The following L2HGDH variants were observed in gnomAD, a reference collection of about 807,000 sequenced individuals.
The protein encoded by L2HGDH is L-2-hydroxyglutarate dehydrogenase, also known as L-2-hydroxyglutarate dehydrogenase, mitochondrial.
In L2HGDH, 34 loss-of-function variants were observed where a neutral mutation model predicts 51.5. The observed-to-expected ratio is 0.66, with a 90% CI of 0.50 to 0.88. The LOEUF is 0.88. L2HGDH is among the 40% of genes least tolerant of loss of function. L2HGDH has a pLI of 0.00. For missense variants in L2HGDH, 558 were observed against 571.9 expected, an observed-to-expected ratio of 0.98 and a Z score of 0.25; for synonymous variants, 198 against 197.9, an observed-to-expected ratio of 1.00 and a Z score of -0.01.
In L2HGDH at chr14:50,242,731, T is replaced by C. The variant is rs922430372; in HGVS notation, c.*4327A>G. 2.9e-5 allele frequency: 29 copies of C among 985,318 alleles called. No individual in the cohort carries two copies. The African/African-American group carries it at 4.5e-4, about 15-fold the overall frequency. The allele number at this position is 985,318 out of a possible 1,614,324, so 61.0% of individuals were successfully genotyped here. ...ATGAAGAGATTTCAAAAACTCCCTT[T>C]GAGTGTGTTAGAAAAGCTTAGAAAC... On this transcript the variant is annotated 3_prime_UTR_variant, in exon 10 of 10. Coordinates refer to ENST00000267436, the MANE Select transcript of L2HGDH (RefSeq NM_024884.3).
Position 50,283,497 on chromosome 14 carries a change from T to TA in L2HGDH, c.703+373dup, listed in dbSNP as rs199859030. Among the ~76,000 whole-genome samples the TA allele has an allele frequency of 1.5e-3, 227 of 149,318 alleles. 1 individual carries two copies. The highest frequency in any genetic ancestry group is 1.9e-3 in the Admixed American group (29 of 14,972). ...GCACTACCCCCTAAAATATCCCAAT[T>TA]AAAAAAAAAATCAATATAAGTACAG... On this transcript the variant is annotated intron_variant, in intron 5 of 9. Coordinates refer to ENST00000267436, the MANE Select transcript of L2HGDH (RefSeq NM_024884.3).
At chr14:50,259,010 CTTTT>C (rs554295046) in intron 9 of L2HGDH, among the ~76,000 whole-genome samples, 1 of 121,506 alleles carries the variant, frequency 8.2e-6, no homozygotes, top group Admixed American at 8.6e-5. Flanking sequence ...ACGCCAGGCT[CTTTT>C]TTTTTTTTTT....
rs575924225 is a variant in L2HGDH, at chr14:50,245,710, G to A, written c.*1348C>T. The A allele has an allele frequency of 7.6e-5, 75 of 984,876 alleles. No homozygotes were observed. The highest frequency in any genetic ancestry group is 9.4e-5 in the South Asian group (2 of 21,278). 61.0% of individuals were successfully genotyped at this position (984,876 alleles called of 1,614,324 possible). On this transcript the variant is annotated 3_prime_UTR_variant, in exon 10 of 10. Coordinates refer to ENST00000267436, the MANE Select transcript of L2HGDH (RefSeq NM_024884.3). ...GAGAGACCAAACGAGCTTAGGTAGCGTAATGCTAAAAAATTGATTTAAGGA... is the reference window on the plus strand; with the variant it reads ...GAGAGACCAAACGAGCTTAGGTAGCATAATGCTAAAAAATTGATTTAAGGA...
At chr14:50,270,396 G>T (rs768491362) in intron 6 of L2HGDH, among the ~76,000 whole-genome samples, 2 of 152,162 alleles carry the variant, frequency 1.3e-5, no homozygotes, top group Non-Finnish European at 2.9e-5. Context: ...TAGCAATTCT[G>T]TTCTTATTCT....
intron 4 of L2HGDH, among the ~76,000 whole-genome samples, chr14:50,288,591 C>T (rs1417863884): frequency 6.6e-6 from 1 of 152,102 alleles, no homozygotes; most frequent in East Asian, 1.9e-4. Flanking sequence ...CCACCATGCC[C>T]GGCTAATTCT....
chr14:50,295,205 T>C (rs1410977275), intron 3 of L2HGDH, among the ~76,000 whole-genome samples: 2 of 152,166 alleles, frequency 1.3e-5, no homozygotes, highest in African/African-American at 4.8e-5. Flanking sequence ...AGGCCCATTT[T>C]ACTGAATTGT....
intron 9 of L2HGDH, 59 bp downstream of exon 9, chr14:50,265,299 C>A: frequency 6.8e-7 from 1 of 1,468,408 alleles, no homozygotes; most frequent in South Asian, 1.1e-5. Context: ...AAGTCAGACC[C>A]ACCTCTCAAG....
At chr14:50,292,468 A>T (rs1409302576) in intron 4 of L2HGDH, among the ~76,000 whole-genome samples, 1 of 152,254 alleles carries the variant, frequency 6.6e-6, no homozygotes, top group Non-Finnish European at 1.5e-5. Flanking sequence ...GAACTTTGGG[A>T]GGCCGAGGCT....
chr14:50,289,720 A>G (rs923406666), intron 4 of L2HGDH, among the ~76,000 whole-genome samples: 4 of 152,236 alleles, frequency 2.6e-5, no homozygotes, highest in African/African-American at 9.6e-5. Context: ...ATTAACGTTT[A>G]GCCGAATGCC....
chr14:50,308,164 G>A (rs1378317301), intron 1 of L2HGDH, among the ~76,000 whole-genome samples: 6 of 152,216 alleles, frequency 3.9e-5, no homozygotes, highest in Non-Finnish European at 7.3e-5. Context: ...GCCAAGGCGG[G>A]CGGATCACCT....
In L2HGDH at chr14:50,248,985, C is replaced by A. The variant is rs546174162; in HGVS notation, c.1197-1732G>T. Among the ~76,000 whole-genome samples the A allele has an allele frequency of 3.3e-5, 5 of 152,262 alleles. No homozygotes were observed. In the East Asian group the frequency reaches 5.8e-4, roughly 18 times the overall value. On this transcript the variant is annotated intron_variant, in intron 9 of 9. Coordinates refer to ENST00000267436, the MANE Select transcript of L2HGDH (RefSeq NM_024884.3). ...CCAGCCATGTGGTGTGGAGACAGAA[C>A]CTATGCACTTGGGAAAGGGAGGGTA...
At position 50,242,582 on chromosome 14, in the gene L2HGDH, C is replaced by T; in HGVS notation, c.*4476G>A. 5.1e-6 allele frequency: 5 copies of T among 984,772 alleles called. No individual in the cohort carries two copies. The highest frequency in any genetic ancestry group is 2.4e-6 in the Non-Finnish European group (2 of 829,362). The allele number at this position is 984,772 out of a possible 1,614,324, so 61.0% of individuals were successfully genotyped here. ...TGGTTGGTATCAACACTGTTCTTCC[C>T]TTCAGGGCTTCAGGGTTTATTTCCA... On this transcript the variant is annotated 3_prime_UTR_variant, in exon 10 of 10. Transcript: ENST00000267436.
At chr14:50,305,821 G>A (rs1273243519) in intron 1 of L2HGDH, among the ~76,000 whole-genome samples, 1 of 151,972 alleles carries the variant, frequency 6.6e-6, no homozygotes, top group Non-Finnish European at 1.5e-5. Context: ...TCTTGTATAC[G>A]AAATGGCACA....
intron 9 of L2HGDH, among the ~76,000 whole-genome samples, chr14:50,252,891 G>A (rs562618355): frequency 2.0e-5 from 3 of 151,864 alleles, no homozygotes; most frequent in Non-Finnish European, 2.9e-5. Flanking sequence ...GCAGAACCTC[G>A]ACAAAGAAAT....
intron 3 of L2HGDH, among the ~76,000 whole-genome samples, chr14:50,295,129 G>C (rs7144289): frequency 0.54 from 82,720 of 152,042 alleles, 22,590 homozygotes; most frequent in East Asian, 0.65. Flanking sequence ...AATATGTAAA[G>C]AATTCTTACA....
intron 8 of L2HGDH, among the ~76,000 whole-genome samples, chr14:50,267,061 C>T (rs1814975501): frequency 1.3e-5 from 2 of 152,188 alleles, no homozygotes; most frequent in South Asian, 4.1e-4. Flanking sequence ...ATTTCCTCCC[C>T]CACCAAATAA....
rs1888039769 is a variant in L2HGDH at position 50,246,970 on chromosome 14, A to G, written c.*88T>C. 7.3e-6 allele frequency: 11 copies of G among 1,503,544 alleles called. No individual in the cohort carries two copies. The South Asian group carries it at 1.1e-4, about 16-fold the overall frequency. The allele number at this position is 1,503,544 out of a possible 1,614,324, so 93.1% of individuals were successfully genotyped here. ...TCTTTGACCTAAAAACTAAAGTTTA[A>G]AAACCATTTTTTAAATTAAAGAATG... On this transcript the variant is annotated 3_prime_UTR_variant, in exon 10 of 10. Coordinates refer to ENST00000267436, the MANE Select transcript of L2HGDH (RefSeq NM_024884.3).
At chr14:50,266,091 ACCAATGATTGTG>A (rs1230266570) in intron 8 of L2HGDH, among the ~76,000 whole-genome samples, 1 of 151,292 alleles carries the variant, frequency 6.6e-6, no homozygotes, top group East Asian at 2.0e-4. Context: ...GGCTGCAGTA[ACCAATGATTGTG>A]CCACTGCATT....
chr14:50,310,421 T>C (rs2031034632), intron 1 of L2HGDH, among the ~76,000 whole-genome samples: 1 of 152,042 alleles, frequency 6.6e-6, no homozygotes, highest in Non-Finnish European at 1.5e-5. Flanking sequence ...AAAATAAAAG[T>C]ATAGGCCAGG....
Sources: allele counts gnomAD v4.1 joint callset (sites outside exome capture counted in the v4.1 genomes callset), GRCh38; gene constraint gnomAD v4.1.1; transcripts MANE v1.5; gene names NCBI Gene and HGNC (gene_info 2026-07-23, HGNC 2026-07-21).